OLFM3: variants seen among roughly 807,000 people sequenced by gnomAD.
OLFM3 encodes olfactomedin 3.
Under a neutral mutation model 48.6 loss-of-function variants are expected in OLFM3, and 20 were observed. The observed-to-expected ratio is 0.41, with a 90% CI of 0.29 to 0.60. OLFM3 has a LOEUF of 0.60. Ranked by LOEUF, OLFM3 falls within the 20% of genes least tolerant of loss-of-function variation. OLFM3 has a pLI of 0.28. For missense variants in OLFM3, 437 were observed against 544.3 expected (o/e 0.80, Z 1.96); for synonymous variants, 222 against 198.1 (o/e 1.12, Z -1.01).
intron 4 of OLFM3, among the ~76,000 whole-genome samples, chr1:101,806,992 T>C (rs976731545): frequency 4.0e-5 from 6 of 151,814 alleles, no homozygotes; most frequent in African/African-American, 9.7e-5. Context: ...AAGCTAGACA[T>C]TTTTGTGAGA....
At chr1:101,925,320 T>C (rs1167629556) in intron 1 of OLFM3, among the ~76,000 whole-genome samples, 2 of 151,992 alleles carry the variant, frequency 1.3e-5, no homozygotes, top group African/African-American at 2.4e-5. Flanking sequence ...CTATATTACA[T>C]TGGCGTTTTT....
chr1:101,949,700 G>A (rs1233263941), intron 1 of OLFM3, among the ~76,000 whole-genome samples: 1 of 152,126 alleles, frequency 6.6e-6, no homozygotes, highest in African/African-American at 2.4e-5. Context: ...GGAGGCTGAG[G>A]CGGGTGGATC....
intron 1 of OLFM3, among the ~76,000 whole-genome samples, chr1:101,912,722 A>G (rs1658801699): frequency 6.6e-6 from 1 of 152,228 alleles, no homozygotes. Context: ...GATGCCTTCT[A>G]CCTACAATCT....
chr1:101,973,410 C>T (rs1660864835), intron 1 of OLFM3, among the ~76,000 whole-genome samples: 1 of 152,102 alleles, frequency 6.6e-6, no homozygotes, highest in Non-Finnish European at 1.5e-5. Flanking sequence ...AGGGATTGGA[C>T]GAGGCTCACT....
chr1:101,950,895 A>C (rs1251377748), intron 1 of OLFM3, among the ~76,000 whole-genome samples: 1 of 152,210 alleles, frequency 6.6e-6, no homozygotes, highest in Non-Finnish European at 1.5e-5. Context: ...GAACAAATAA[A>C]TGAATTCCAC....
chr1:101,978,778 A>G (rs1389877118), intron 1 of OLFM3, among the ~76,000 whole-genome samples: 1 of 152,084 alleles, frequency 6.6e-6, no homozygotes, highest in East Asian at 1.9e-4. Flanking sequence ...CTTTCATTCT[A>G]TTATATCATC....
intron 1 of OLFM3, among the ~76,000 whole-genome samples, chr1:101,841,325 A>G (rs1655710411): frequency 6.6e-6 from 1 of 152,234 alleles, no homozygotes; most frequent in Non-Finnish European, 1.5e-5. Context: ...CTGGAAACCA[A>G]TACTCAAAGA....
At chr1:101,976,115 C>T (rs772142317) in intron 1 of OLFM3, among the ~76,000 whole-genome samples, 14 of 152,094 alleles carry the variant, frequency 9.2e-5, no homozygotes, top group African/African-American at 1.4e-4. Flanking sequence ...CACTCCAAAA[C>T]GATACAGTCA....
At chr1:101,887,611 C>CTAA (rs2100999957) in intron 1 of OLFM3, among the ~76,000 whole-genome samples, 1 of 152,034 alleles carries the variant, frequency 6.6e-6, no homozygotes, top group South Asian at 2.1e-4. Flanking sequence ...TTTCTAAATT[C>CTAA]AGTATTATTG....
intron 1 of OLFM3, among the ~76,000 whole-genome samples, chr1:101,867,899 C>T (rs962275422): frequency 6.6e-6 from 1 of 152,080 alleles, no homozygotes; most frequent in Non-Finnish European, 1.5e-5. Context: ...GGCAGTTCCT[C>T]TATGCCATTC....
intron 1 of OLFM3, among the ~76,000 whole-genome samples, chr1:101,947,024 G>A (rs1032110170): frequency 1.3e-5 from 2 of 152,090 alleles, no homozygotes; most frequent in Admixed American, 1.3e-4. Context: ...GAGAAAATCT[G>A]GCTGATTGTC....
rs1553186132 is a variant in OLFM3, at chr1:101,991,038, T to TATAC, written c.69+5706_69+5709dup. Among the ~76,000 whole-genome samples, 382 of 112,462 alleles carry TATAC rather than the reference T, an allele frequency of 3.4e-3. 3 individuals carry two copies. The highest frequency in any genetic ancestry group is 6.0e-3 in the Non-Finnish European group (338 of 56,086). The allele number at this position is 112,462 out of a possible 152,430, so 73.8% of individuals were successfully genotyped here. On this transcript the variant is annotated intron_variant, in intron 1 of 5. Coordinates refer to ENST00000370103, the MANE Select transcript of OLFM3 (RefSeq NM_058170.4). ...AAAAATATATATATATATATATATA[T>TATAC]ATACTTCGTGGTTTTTGATTGGTAA...
At position 101,817,875 on chromosome 1, in the gene OLFM3, TTTATATTA is replaced by T. The variant is rs1181114695; in HGVS notation, c.592+7143_592+7150del. 2.2e-4 allele frequency among the ~76,000 whole-genome samples: 33 copies of T among 152,156 alleles called. No individual in the cohort carries two copies. In the East Asian group the frequency reaches 5.8e-3, roughly 27 times the overall value. On this transcript the variant is annotated intron_variant, in intron 4 of 5. Transcript: ENST00000370103. ...ACCATACATTTGGTAGTAAAATAAA[TTTATATTA>T]TTTAAACTTTTATTTGCATGTCTAG...
At chr1:101,806,871 A>G (rs1653802086) in intron 4 of OLFM3, among the ~76,000 whole-genome samples, 1 of 151,814 alleles carries the variant, frequency 6.6e-6, no homozygotes. Flanking sequence ...ATACGTGACA[A>G]AAAGACTTTA....
chr1:101,845,766 A>T (rs1655963020), intron 1 of OLFM3, among the ~76,000 whole-genome samples: 1 of 152,200 alleles, frequency 6.6e-6, no homozygotes, highest in African/African-American at 2.4e-5. Context: ...AAGCAGGTCA[A>T]AGTGTGGCTT....
chr1:101,977,258 G>A (rs1356901908), intron 1 of OLFM3, among the ~76,000 whole-genome samples: 2 of 152,120 alleles, frequency 1.3e-5, no homozygotes, highest in African/African-American at 4.8e-5. Flanking sequence ...CTTTTCACAT[G>A]ATTATTAAAA....
intron 1 of OLFM3, chr1:101,882,648 A>G (rs185602285): frequency 1.3e-5 from 2 of 151,844 alleles, no homozygotes; most frequent in East Asian, 1.9e-4. Context: ...GATGGTTGCT[A>G]TAAGTTTGAC....
At chr1:101,878,454 G>A (rs1222556590) in intron 1 of OLFM3, among the ~76,000 whole-genome samples, 1 of 151,988 alleles carries the variant, frequency 6.6e-6, no homozygotes, top group Admixed American at 6.6e-5. Context: ...CACATCAGAG[G>A]GAAGGTGACT....
chr1:101,989,252 T>G (rs1324158685), intron 1 of OLFM3, among the ~76,000 whole-genome samples: 1 of 152,128 alleles, frequency 6.6e-6, no homozygotes, highest in Non-Finnish European at 1.5e-5. Context: ...AGGCTTGGTA[T>G]GAAAATAACA....
Sources: gnomAD v4.1 joint callset for allele counts (sites outside exome capture counted in the v4.1 genomes callset) on GRCh38, gnomAD v4.1.1 for gene constraint, MANE v1.5 for transcripts, NCBI Gene and HGNC (gene_info 2026-07-23, HGNC 2026-07-21) for gene names.